APBA2: variants seen among roughly 807,000 people sequenced by gnomAD.
The protein encoded by APBA2 is amyloid-beta A4 precursor protein-binding family A member 2.
In APBA2, 30 loss-of-function variants were observed where a neutral mutation model predicts 75.0. The ratio of observed to expected loss-of-function variants is 0.40; its 90% CI spans 0.30 to 0.54. APBA2 has a LOEUF of 0.54. Ranked by LOEUF, APBA2 falls within the 20% of genes least tolerant of loss-of-function variation. APBA2 has a pLI of 0.49. For synonymous variants in APBA2, 444 were observed against 409.6 expected, an observed-to-expected ratio of 1.08 and a Z score of -1.01; for missense variants, 801 against 1,016.1, an observed-to-expected ratio of 0.79 and a Z score of 2.88.
At chr15:28,908,328 T>TTTTTTTTTTTA (rs2033245401) in intron 1 of APBA2, among the ~76,000 whole-genome samples, 4 of 151,084 alleles carry the variant, frequency 2.6e-5, no homozygotes, top group African/African-American at 9.8e-5. Context: ...TTTTTTTTTT[T>TTTTTTTTTTTA]GAGACAGAGT....
chr15:29,034,335 T>C (rs999202982), intron 3 of APBA2, among the ~76,000 whole-genome samples: 1 of 152,314 alleles, frequency 6.6e-6, no homozygotes, highest in African/African-American at 2.4e-5. Flanking sequence ...ACCTCCATCC[T>C]GAGTCATCTC....
At chr15:29,018,526 A>G (rs1369433651) in intron 3 of APBA2, among the ~76,000 whole-genome samples, 3 of 152,188 alleles carry the variant, frequency 2.0e-5, no homozygotes, top group African/African-American at 7.2e-5. Flanking sequence ...ACAAGTCATC[A>G]GGGCTGGGAC....
chr15:28,952,782 A>C (rs2035958093), intron 2 of APBA2, among the ~76,000 whole-genome samples: 1 of 152,340 alleles, frequency 6.6e-6, no homozygotes, highest in East Asian at 1.9e-4. Context: ...AATTTTCATT[A>C]ACTGAGACAT....
chr15:29,054,513 A>G lies in APBA2; in HGVS notation c.629A>G (p.Tyr210Cys), dbSNP rs1017217364. ...EANGNTGASP[Y>C]RLRRGDGDLE... ...AACGGGAACACCGGCGCCTCCCCCTACCGCCTGAGGCGTGGGGATGGGGAC... is the reference window on the plus strand; with the variant it reads ...AACGGGAACACCGGCGCCTCCCCCTGCCGCCTGAGGCGTGGGGATGGGGAC... The change falls in exon 4 of 15, where the codon TAC becomes TGC. Residue 210 changes from tyrosine (Y) to cysteine (C), a missense_variant. Physicochemically the swap from Tyr to Cys is radical, Grantham distance 194. Around this residue, in one of 2 missense-constraint regions of APBA2, gnomAD observed 434 missense variants for 471.6 expected, o/e 0.92. Transcript: ENST00000683413. The surrounding 1 kb of genome is among the most constrained non-coding windows in gnomAD (Gnocchi z 6.1). 1.2e-6 allele frequency: 2 copies of G among 1,613,512 alleles called. No homozygotes were observed. Among genetic ancestry groups the G allele is most frequent in the Non-Finnish European group, 8.5e-7 (1 of 1,179,770 alleles).
At chr15:28,889,276 G>A (rs1333214869) in intron 1 of APBA2, among the ~76,000 whole-genome samples, 1 of 152,192 alleles carries the variant, frequency 6.6e-6, no homozygotes, top group Non-Finnish European at 1.5e-5. Context: ...TGGGAGGTAG[G>A]TGACCTCAAG....
intron 3 of APBA2, among the ~76,000 whole-genome samples, chr15:29,053,539 C>G (rs535867554): frequency 6.6e-6 from 1 of 152,064 alleles, no homozygotes; most frequent in South Asian, 2.1e-4. Context: ...CCTGGGCTAC[C>G]CAAACTGAGT....
chr15:28,919,344 G>A (rs1281280191), intron 1 of APBA2: 1 of 152,220 alleles, frequency 6.6e-6, no homozygotes, highest in African/African-American at 2.4e-5. Flanking sequence ...CCCCGCCCGC[G>A]GTTGTTGAAC....
chr15:28,950,043 G>C (rs1452200005), intron 2 of APBA2, among the ~76,000 whole-genome samples: 1 of 152,010 alleles, frequency 6.6e-6, no homozygotes, highest in Non-Finnish European at 1.5e-5. Flanking sequence ...TATAGTCCTT[G>C]CGTCTCCTTA....
At chr15:28,926,101 A>G (rs1255725757) in intron 2 of APBA2, among the ~76,000 whole-genome samples, 1 of 152,142 alleles carries the variant, frequency 6.6e-6, no homozygotes, top group Non-Finnish European at 1.5e-5. Flanking sequence ...GATAGCATAG[A>G]GTTGAGACTT....
chr15:29,028,827 T>G (rs773450679), intron 3 of APBA2, among the ~76,000 whole-genome samples: 1 of 152,240 alleles, frequency 6.6e-6, no homozygotes, highest in Non-Finnish European at 1.5e-5. Context: ...TGTCTGTTCA[T>G]GTTCTTTGCC....
Position 29,105,391 on chromosome 15 carries a change from G to A in APBA2, c.1537G>A (p.Ala513Thr), listed in dbSNP as rs752622045. Residue 513 changes from alanine (A) to threonine (T), a missense_variant, in exon 11 of 15, where the codon GCC (alanine) becomes ACC (threonine). Coordinates refer to ENST00000683413, the MANE Select transcript of APBA2 (RefSeq NM_001353788.2). ...VFESEDAQLI[A>T]QSIGQAFSVA... ...GCCCTCTGCACAGGCCCAGCTCATC[G>A]CCCAGTCTATCGGCCAGGCCTTCAG... The A allele has an allele frequency of 2.5e-6, 4 of 1,611,626 alleles. No homozygotes were observed. The highest frequency in any genetic ancestry group is 1.1e-5 in the South Asian group (1 of 91,022).
intron 2 of APBA2, among the ~76,000 whole-genome samples, chr15:28,949,078 G>A (rs75284380): frequency 0.021 from 3,198 of 152,020 alleles, 111 homozygotes; most frequent in East Asian, 0.14. Flanking sequence ...AGAACACACC[G>A]AGAAGGGAGG....
At position 29,117,861 on chromosome 15, in the gene APBA2, C is replaced by T. The variant is rs1298588658; in HGVS notation, c.*728C>T. 2.0e-5 allele frequency: 3 copies of T among 152,118 alleles called. No individual in the cohort carries two copies. Among genetic ancestry groups the T allele is most frequent in the Admixed American group, 6.5e-5 (1 of 15,280 alleles). 9.4% of individuals were successfully genotyped at this position (152,118 alleles called of 1,614,324 possible). ...TTCTGGGCACCCTCCCACCCGGCTG[C>T]ATACCCGGGCAGGGCTCCCACAGAG... On this transcript the variant is annotated 3_prime_UTR_variant, in exon 15 of 15. Transcript: ENST00000683413.
intron 4 of APBA2, among the ~76,000 whole-genome samples, chr15:29,062,098 G>A (rs1406614218): frequency 1.3e-5 from 2 of 152,080 alleles, no homozygotes; most frequent in Admixed American, 6.5e-5. Flanking sequence ...GTTATGGGGG[G>A]CATTGGGGCA....
intron 1 of APBA2, among the ~76,000 whole-genome samples, chr15:28,912,865 T>C (rs527549398): frequency 6.6e-6 from 1 of 152,354 alleles, no homozygotes; most frequent in Admixed American, 6.5e-5. Context: ...CACATTTAAA[T>C]GTTTATAAGG....
intron 10 of APBA2, chr15:29,102,824 T>C (rs2044194431): frequency 6.6e-6 from 1 of 152,118 alleles, no homozygotes; most frequent in African/African-American, 2.4e-5. Context: ...ACATAAGGAC[T>C]TGAGGCTGTC....
chr15:29,089,070 G>A (rs914716322), intron 6 of APBA2, among the ~76,000 whole-genome samples: 2 of 152,066 alleles, frequency 1.3e-5, no homozygotes, highest in African/African-American at 2.4e-5. Context: ...TCCTTCCCAG[G>A]GCCATAGCCT....
intron 9 of APBA2, among the ~76,000 whole-genome samples, chr15:29,100,079 A>G (rs1006852223): frequency 1.3e-5 from 2 of 152,244 alleles, no homozygotes; most frequent in African/African-American, 4.8e-5. Flanking sequence ...TGGGAAGGCC[A>G]AAGTAGCCAT....
chr15:28,962,443 C>T (rs1169114587), intron 2 of APBA2, among the ~76,000 whole-genome samples: 1 of 152,060 alleles, frequency 6.6e-6, no homozygotes, highest in Non-Finnish European at 1.5e-5. Context: ...GTGGCGGGCG[C>T]CTGTAGTCCC....
Sources: gnomAD v4.1 joint callset for allele counts (sites outside exome capture counted in the v4.1 genomes callset) on GRCh38, gnomAD v4.1.1 for gene constraint, gnomAD v4.1.1 regional missense constraint, Gnocchi (gnomAD v3.1) non-coding constraint, MANE v1.5 for transcripts, NCBI Gene and HGNC (gene_info 2026-07-23, HGNC 2026-07-21) for gene names.